Variants in GLT1D1 observed in about 807,000 individuals in gnomAD.
GLT1D1 encodes glycosyltransferase 1 domain-containing protein 1.
Under a neutral mutation model 28.7 loss-of-function variants are expected in GLT1D1, and 21 were observed. That is an observed-to-expected ratio of 0.73 (90% CI 0.52 to 1.05). The LOEUF is 1.05. GLT1D1 is among the 50% of genes least tolerant of loss of function. The probability of loss-of-function intolerance (pLI) is 0.00; values close to 1 mark genes in which losing one functional copy is unlikely to be tolerated. For synonymous variants in GLT1D1, 147 were observed against 124.8 expected (o/e 1.18, Z -1.19); for missense variants, 343 against 330.6 (o/e 1.04, Z -0.29).
At chr12:128,904,659 A>C (rs895032847) in intron 4 of GLT1D1, among the ~76,000 whole-genome samples, 5 of 135,460 alleles carry the variant, frequency 3.7e-5, no homozygotes, top group Admixed American at 2.9e-4. Flanking sequence ...TTTGAGACAG[A>C]GTCTTTCTCT....
chr12:128,876,210 A>C (rs1355052474), intron 2 of GLT1D1, 148 bp downstream of exon 2: 1 of 680,674 alleles, frequency 1.5e-6, no homozygotes, highest in African/African-American at 1.8e-5. Context: ...TTGCTTTCTT[A>C]ATGCACAATT....
At chr12:128,950,434 A>C (rs531558137) in intron 6 of GLT1D1, among the ~76,000 whole-genome samples, 1 of 152,268 alleles carries the variant, frequency 6.6e-6, no homozygotes, top group Admixed American at 6.5e-5. Flanking sequence ...GTGTAGCCCA[A>C]CTCCATCGCC....
intron 1 of GLT1D1, among the ~76,000 whole-genome samples, chr12:128,861,602 G>A (rs1956374339): frequency 6.6e-6 from 1 of 152,194 alleles, no homozygotes; most frequent in Non-Finnish European, 1.5e-5. Flanking sequence ...CTCATAGCTG[G>A]ACTTGGTGCA....
intron 7 of GLT1D1, among the ~76,000 whole-genome samples, chr12:128,980,557 C>T (rs1880218832): frequency 6.6e-6 from 1 of 152,200 alleles, no homozygotes; most frequent in Admixed American, 6.5e-5. Flanking sequence ...GCCACTGGTC[C>T]AGCAAGAGTC....
chr12:128,903,440 A>C (rs1870516378), intron 4 of GLT1D1, among the ~76,000 whole-genome samples: 1 of 151,796 alleles, frequency 6.6e-6, no homozygotes. Context: ...TCCCCACCTC[A>C]TAATGAGAGG....
intron 7 of GLT1D1, among the ~76,000 whole-genome samples, chr12:128,980,987 G>A (rs1880263982): frequency 6.6e-6 from 1 of 152,210 alleles, no homozygotes; most frequent in Non-Finnish European, 1.5e-5. Flanking sequence ...CACGTCTACA[G>A]GCGCGTGTCC....
At chr12:128,981,958 C>T (rs901614747) in intron 7 of GLT1D1, among the ~76,000 whole-genome samples, 4 of 152,170 alleles carry the variant, frequency 2.6e-5, no homozygotes, top group African/African-American at 9.7e-5. Context: ...TTGACTTACA[C>T]ACGCGCATGG....
At chr12:128,896,788 T>G (rs892138826) in intron 3 of GLT1D1, among the ~76,000 whole-genome samples, 2 of 152,042 alleles carry the variant, frequency 1.3e-5, no homozygotes, top group African/African-American at 4.8e-5. Context: ...TTTTAATGGC[T>G]GCATAGAATT....
At chr12:128,885,782 T>C (rs148978985) in intron 2 of GLT1D1, among the ~76,000 whole-genome samples, 105 of 152,378 alleles carry the variant, frequency 6.9e-4, no homozygotes, top group Admixed American at 2.3e-3. Flanking sequence ...ACCTCGTTGA[T>C]AGTGTGTATC....
Position 128,867,119 on chromosome 12 carries a change from C to T in GLT1D1, c.69-8795C>T, listed in dbSNP as rs12831266. On this transcript the variant is annotated intron_variant, in intron 1 of 7. Coordinates refer to ENST00000281703, the MANE Select transcript of GLT1D1 (RefSeq NM_144669.3). ...CTGCTCTAGAAAGTTGGCCCTTGGG[C>T]GCAGTGGCTCACGCCTGTAATCCCA... Among the ~76,000 whole-genome samples, 12 of 151,726 alleles carry T rather than the reference C, an allele frequency of 7.9e-5. No homozygotes were observed. The East Asian group carries it at 1.2e-3, about 15-fold the overall frequency.
At chr12:128,874,542 GCA>G (rs1956827915) in intron 1 of GLT1D1, among the ~76,000 whole-genome samples, 1 of 148,332 alleles carries the variant, frequency 6.7e-6, no homozygotes, top group African/African-American at 2.5e-5. Flanking sequence ...GAGTACAGTG[GCA>G]CAGTCGTAGC....
chr12:128,943,833 C>A (rs143600326), intron 4 of GLT1D1, among the ~76,000 whole-genome samples: 2 of 152,204 alleles, frequency 1.3e-5, no homozygotes, highest in Admixed American at 6.5e-5. Context: ...TGTTCCACAA[C>A]GCTGGAGATG....
rs199567989 is a variant in GLT1D1 at position 128,942,739 on chromosome 12, G to GTTTTTTTTTTTTTTTTTTT, written c.376-2584_376-2583insTTTTTTTTTTTTTTTTTTT. On this transcript the variant is annotated intron_variant, in intron 4 of 7. Coordinates refer to ENST00000281703, the MANE Select transcript of GLT1D1 (RefSeq NM_144669.3). ...CTTTAGATTCCAATTTTCTTTGTTT[G>GTTTTTTTTTTTTTTTTTTT]TTTGTTTTTGTTTTTTGTTTTTTTT... is the stretch of plus-strand genomic sequence containing the variant. Among the ~76,000 whole-genome samples, 2 of 102,478 alleles carry GTTTTTTTTTTTTTTTTTTT rather than the reference G, an allele frequency of 2.0e-5. 1 individual carries two copies. The highest frequency in any genetic ancestry group is 3.7e-5 in the Non-Finnish European group (2 of 54,344). 67.2% of individuals were successfully genotyped at this position (102,478 alleles called of 152,430 possible). A position where few individuals can be genotyped will look rare whatever the true frequency, so the allele number is the denominator to read the frequency against.
chr12:128,967,622 T>C (rs1878582773), intron 7 of GLT1D1, among the ~76,000 whole-genome samples: 1 of 152,226 alleles, frequency 6.6e-6, no homozygotes, highest in South Asian at 2.1e-4. Context: ...GTTTAAGTGC[T>C]GGGATCAGCC....
At chr12:128,931,152 C>T (rs2135926650) in intron 4 of GLT1D1, among the ~76,000 whole-genome samples, 1 of 152,080 alleles carries the variant, frequency 6.6e-6, no homozygotes, top group African/African-American at 2.4e-5. Flanking sequence ...CAGGCACGTG[C>T]TACCACGCCT....
rs12578903 is a variant in GLT1D1, at chr12:128,881,561, A to T, written c.217+5499A>T. ...AAAAAAAAAAAAAAAAAAAAAAAAA[A>T]ATATATATATATATATATATATATA... is the stretch of plus-strand genomic sequence containing the variant. On this transcript the variant is annotated intron_variant, in intron 2 of 7. Transcript: ENST00000281703. 7.8e-3 allele frequency among the ~76,000 whole-genome samples: 260 copies of T among 33,320 alleles called. 5 individuals carry two copies. The highest frequency in any genetic ancestry group is 8.8e-3 in the Non-Finnish European group (168 of 19,196). The allele number at this position is 33,320 out of a possible 152,430, so 21.9% of individuals were successfully genotyped here.
intron 7 of GLT1D1, among the ~76,000 whole-genome samples, chr12:128,963,643 C>G (rs903909267): frequency 4.6e-5 from 7 of 152,006 alleles, no homozygotes; most frequent in Admixed American, 2.6e-4. Flanking sequence ...GACTCCGTCT[C>G]AAAACAAAAA....
rs74730090 is a variant in GLT1D1 at position 128,984,085 on chromosome 12, T to C, written c.*995T>C. On this transcript the variant is annotated 3_prime_UTR_variant, in exon 8 of 8. Coordinates refer to ENST00000281703, the MANE Select transcript of GLT1D1 (RefSeq NM_144669.3). The stretch of plus-strand genomic sequence containing the variant: ...GCCTGGGAGAACCTCCACTGAATAC[T>C]GAAATTGTTGCATGCCTGTGGATTC... 0.011 allele frequency: 1,684 copies of C among 152,400 alleles called. 35 individuals are homozygous for C. The highest frequency in any genetic ancestry group is 0.039 in the African/African-American group (1,618 of 41,570). The allele number at this position is 152,400 out of a possible 1,614,324, so 9.4% of individuals were successfully genotyped here.
intron 2 of GLT1D1, among the ~76,000 whole-genome samples, chr12:128,885,644 G>A (rs1292047663): frequency 1.3e-5 from 2 of 152,248 alleles, no homozygotes; most frequent in Admixed American, 6.5e-5. Context: ...GCTGTCTGGA[G>A]TGAAAGTCCT....
Sources: allele counts gnomAD v4.1 joint callset (sites outside exome capture counted in the v4.1 genomes callset), GRCh38; gene constraint gnomAD v4.1.1; transcripts MANE v1.5; gene names NCBI Gene and HGNC (gene_info 2026-07-23, HGNC 2026-07-21).